ATP2C1: variants seen among roughly 807,000 people sequenced by gnomAD.
The protein encoded by ATP2C1 is ATPase secretory pathway Ca2+ transporting 1, also known as calcium-transporting ATPase type 2C member 1.
In ATP2C1, 31 loss-of-function variants were observed where a neutral mutation model predicts 120.5. The observed-to-expected ratio is 0.26, with a 90% CI of 0.19 to 0.35. The LOEUF is 0.35. Among genes scored for constraint, ATP2C1 ranks in the 10% least tolerant of loss-of-function variants. The pLI is 1.00. For synonymous variants in ATP2C1, 351 were observed against 358.7 expected (o/e 0.98, Z 0.24); for missense variants, 731 against 1,107.5 (o/e 0.66, Z 4.83).
At chr3:130,855,428 T>C (rs1418385965) in intron 1 of ATP2C1, among the ~76,000 whole-genome samples, 1 of 152,110 alleles carries the variant, frequency 6.6e-6, no homozygotes, top group African/African-American at 2.4e-5. Flanking sequence ...GCTGAGGTGT[T>C]TTTATGCAGG....
intron 27 of ATP2C1, 92 bp from the exon 28 acceptor site, chr3:131,001,126 AAG>A (rs2062867670): frequency 3.0e-6 from 3 of 998,126 alleles, no homozygotes; most frequent in Non-Finnish European, 1.5e-6. Context: ...AAAAAAAAAA[AAG>A]TTGTGTTAAA....
intron 1 of ATP2C1, among the ~76,000 whole-genome samples, chr3:130,862,209 T>C (rs941581384): frequency 6.6e-5 from 10 of 151,432 alleles, no homozygotes; most frequent in Non-Finnish European, 1.3e-4. Flanking sequence ...GGTCTCAGTC[T>C]CCTGACCTCG....
intron 6 of ATP2C1, among the ~76,000 whole-genome samples, chr3:130,938,131 A>C (rs2059747321): frequency 6.6e-6 from 1 of 152,240 alleles, no homozygotes; most frequent in Non-Finnish European, 1.5e-5. Flanking sequence ...CAGTAAATAA[A>C]ACATATGTAA....
At chr3:130,934,439 G>C (rs1397417586) in intron 4 of ATP2C1, among the ~76,000 whole-genome samples, 183 bp from the exon 5 acceptor site, 1 of 151,472 alleles carries the variant, frequency 6.6e-6, no homozygotes, top group Admixed American at 6.6e-5. Context: ...CTGTTAAAAA[G>C]CTTTTAAATG....
At chr3:130,900,249 A>G (rs2070041094) in intron 2 of ATP2C1, among the ~76,000 whole-genome samples, 1 of 152,032 alleles carries the variant, frequency 6.6e-6, no homozygotes, top group Non-Finnish European at 1.5e-5. Flanking sequence ...TTTTTTAAAG[A>G]CGAGGTCTTG....
In ATP2C1 at chr3:130,894,507, G is replaced by A; in HGVS notation, c.-180-83G>A. On this transcript the variant is annotated intron_variant, in intron 1 of 27. Coordinates refer to ENST00000510168, the MANE Select transcript of ATP2C1 (RefSeq NM_001378687.1). The surrounding 1 kb of genome is among the most constrained non-coding windows in gnomAD (Gnocchi z 4.5). ...CGGGGCGGGTGCGGGATCTTGGGGA[G>A]GGGGGCTCCCGAGATAGTGGCTGGG... 7.2e-7 allele frequency: 1 copy of A among 1,387,246 alleles called. No homozygotes were observed. 85.9% of individuals were successfully genotyped at this position (1,387,246 alleles called of 1,614,324 possible).
chr3:130,867,077 C>A (rs1559869983), intron 1 of ATP2C1, among the ~76,000 whole-genome samples: 1 of 152,306 alleles, frequency 6.6e-6, no homozygotes. Context: ...TGCCCTGAAT[C>A]ATGCCCGCAT....
chr3:130,902,314 T>C (rs1273386222), intron 2 of ATP2C1, among the ~76,000 whole-genome samples: 3 of 76,576 alleles, frequency 3.9e-5, no homozygotes, highest in Non-Finnish European at 8.7e-5. Context: ...TTTTTTTTTT[T>C]TTTTTTTTCT....
chr3:130,987,759 C>T (rs1360189381), intron 20 of ATP2C1, among the ~76,000 whole-genome samples: 3 of 152,080 alleles, frequency 2.0e-5, no homozygotes, highest in African/African-American at 7.2e-5. Context: ...ATTAATTGTG[C>T]CCCTCATTAA....
intron 26 of ATP2C1, among the ~76,000 whole-genome samples, chr3:131,008,899 C>G (rs1405173035): frequency 1.3e-5 from 2 of 152,196 alleles, no homozygotes; most frequent in Non-Finnish European, 2.9e-5. Context: ...GTTAAAACAT[C>G]ATCAACCAGG....
At chr3:130,979,464 A>G (rs2061662060) in intron 19 of ATP2C1, 45 bp downstream of exon 19, 5 of 1,582,148 alleles carry the variant, frequency 3.2e-6, no homozygotes, top group South Asian at 2.2e-5. Context: ...TTTTTCTTAA[A>G]ATACTGTGGT....
chr3:130,931,892 C>T (rs2059466590), intron 3 of ATP2C1, 130 bp from the exon 4 acceptor site: 1 of 671,062 alleles, frequency 1.5e-6, no homozygotes, highest in African/African-American at 1.8e-5. Context: ...TGATAGGTTG[C>T]TCTCATAATA....
chr3:130,876,770 T>G (rs1272168322), intron 1 of ATP2C1, among the ~76,000 whole-genome samples: 1 of 151,608 alleles, frequency 6.6e-6, no homozygotes, highest in Non-Finnish European at 1.5e-5. Flanking sequence ...CCATTGTTTT[T>G]GTGTCCTCTA....
intron 22 of ATP2C1, 56 bp downstream of exon 22, chr3:130,994,154 C>T: frequency 1.3e-6 from 2 of 1,591,502 alleles, no homozygotes; most frequent in Admixed American, 3.3e-5. Flanking sequence ...CCTTTCCTGT[C>T]CCCCACCCCT....
At chr3:130,860,371 A>C (rs1387658457) in intron 1 of ATP2C1, among the ~76,000 whole-genome samples, 1 of 152,232 alleles carries the variant, frequency 6.6e-6, no homozygotes. Flanking sequence ...AAAATGTTGG[A>C]ATTATTTCTT....
At chr3:130,902,750 T>C (rs760083993) in intron 2 of ATP2C1, among the ~76,000 whole-genome samples, 7 of 152,062 alleles carry the variant, frequency 4.6e-5, no homozygotes, top group Non-Finnish European at 7.4e-5. Flanking sequence ...GATTTCCTTT[T>C]TAGGGTCTTC....
At chr3:130,853,866 G>A (rs2067755735) in intron 1 of ATP2C1, among the ~76,000 whole-genome samples, 1 of 152,176 alleles carries the variant, frequency 6.6e-6, no homozygotes, top group Non-Finnish European at 1.5e-5. Context: ...AACAGGCAGA[G>A]GGTACACACT....
chr3:130,894,471 C>T lies in ATP2C1; in HGVS notation c.-180-119C>T. The T allele has an allele frequency of 7.4e-7, 1 of 1,352,826 alleles. No individual in the cohort carries two copies. Among genetic ancestry groups the T allele is most frequent in the Non-Finnish European group, 9.5e-7 (1 of 1,049,424 alleles). The allele number at this position is 1,352,826 out of a possible 1,614,324, so 83.8% of individuals were successfully genotyped here. A position where few individuals can be genotyped will look rare whatever the true frequency, so the allele number is the denominator to read the frequency against. On this transcript the variant is annotated intron_variant, in intron 1 of 27. Transcript: ENST00000510168. The surrounding 1 kb of genome is among the most constrained non-coding windows in gnomAD (Gnocchi z 4.5). ...CCGCTGGCGTGAGCTGGGGACGTTG[C>T]GGGCACACGACGGGGCGGGTGCGGG...
intron 1 of ATP2C1, among the ~76,000 whole-genome samples, chr3:130,881,722 TC>T (rs2068787501): frequency 6.6e-6 from 1 of 152,256 alleles, no homozygotes; most frequent in Non-Finnish European, 1.5e-5. Flanking sequence ...TGCATCCTCT[TC>T]AATTGCTTTC....
Sources: allele counts gnomAD v4.1 joint callset (sites outside exome capture counted in the v4.1 genomes callset), GRCh38; gene constraint gnomAD v4.1.1; non-coding constraint Gnocchi (gnomAD v3.1); transcripts MANE v1.5; gene names NCBI Gene and HGNC (gene_info 2026-07-23, HGNC 2026-07-21).